Variants in RBFOX1 observed in about 807,000 individuals in gnomAD.
RBFOX1 encodes RNA binding protein fox-1 homolog 1.
Under a neutral mutation model 57.7 loss-of-function variants are expected in RBFOX1, and 8 were observed. The observed-to-expected ratio is 0.14, with a 90% CI of 0.08 to 0.25. The LOEUF (loss-of-function observed/expected upper bound fraction) is 0.25, where lower values mean the gene tolerates loss of function less well. RBFOX1 is among the 10% of genes least tolerant of loss of function. RBFOX1 has a pLI of 1.00. For missense variants in RBFOX1, 611 were observed against 548.5 expected (o/e 1.11, Z -1.14); for synonymous variants, 326 against 222.4 (o/e 1.47, Z -4.15).
At chr16:6,358,153 C>T (rs17527108) in intron 2 of RBFOX1, among the ~76,000 whole-genome samples, 39,682 of 151,798 alleles carry the variant, frequency 0.26, 5,311 homozygotes, top group Middle Eastern at 0.35. Flanking sequence ...GTTTAACCTC[C>T]ATGAACCTCA....
At chr16:6,120,603 A>T (rs1049864202) in intron 1 of RBFOX1, among the ~76,000 whole-genome samples, 4 of 152,194 alleles carry the variant, frequency 2.6e-5, no homozygotes, top group African/African-American at 9.7e-5. Flanking sequence ...TGAGGATTAT[A>T]TAAAGAAATC....
rs150826605 is a variant in RBFOX1 at position 5,364,234 on chromosome 16, T to G, written c.220-102982T>G. ...AGAAGTTCCAGCCAAGTGCTAAGTTTTAACTTGGATGTGTGCTGGTTTGAG... is the reference window on the plus strand; with the variant it reads ...AGAAGTTCCAGCCAAGTGCTAAGTTGTAACTTGGATGTGTGCTGGTTTGAG... On this transcript the variant is annotated intron_variant, in intron 1 of 2. Transcript: ENST00000585867. 2.5e-4 allele frequency among the ~76,000 whole-genome samples: 38 copies of G among 152,332 alleles called. No individual in the cohort carries two copies. The East Asian group carries it at 6.9e-3, about 28-fold the overall frequency.
At chr16:6,305,624 A>G (rs1046469391) in intron 1 of RBFOX1, among the ~76,000 whole-genome samples, 2 of 150,038 alleles carry the variant, frequency 1.3e-5, no homozygotes, top group African/African-American at 4.9e-5. Flanking sequence ...CAGCTTTTTA[A>G]ACACATACTG....
rs536895311 is a variant in RBFOX1 at position 6,355,969 on chromosome 16, A to C, written c.-64+38912A>C. ...CATGGGCCAAACTTAAAGAACTCCT[A>C]ATGGGCAAAGCTGAAGCAATTTAAA... On this transcript the variant is annotated intron_variant, in intron 2 of 15. Coordinates refer to ENST00000550418, the MANE Select transcript of RBFOX1 (RefSeq NM_018723.4). 9.8e-5 allele frequency among the ~76,000 whole-genome samples: 15 copies of C among 152,358 alleles called. No homozygotes were observed. The East Asian group carries it at 2.7e-3, about 27-fold the overall frequency.
At chr16:7,507,168 G>T (rs757039535) in intron 4 of RBFOX1, among the ~76,000 whole-genome samples, 28 of 152,106 alleles carry the variant, frequency 1.8e-4, no homozygotes, top group Admixed American at 1.1e-3. Flanking sequence ...GCATTAAAAG[G>T]TTAGATAGTA....
At chr16:6,637,730 A>G (rs1046676405) in intron 2 of RBFOX1, among the ~76,000 whole-genome samples, 76 of 151,596 alleles carry the variant, frequency 5.0e-4, no homozygotes, top group African/African-American at 1.6e-3. Flanking sequence ...GGTCTAGAAG[A>G]ATATTGTAAT....
chr16:6,720,642 C>T (rs1375553828), intron 3 of RBFOX1, among the ~76,000 whole-genome samples: 4 of 151,884 alleles, frequency 2.6e-5, no homozygotes, highest in East Asian at 1.9e-4. Context: ...AGAGACGTGT[C>T]GGGAGAATAG....
chr16:5,356,965 A>G (rs1270166429), intron 1 of RBFOX1, among the ~76,000 whole-genome samples: 1 of 152,202 alleles, frequency 6.6e-6, no homozygotes, highest in African/African-American at 2.4e-5. Flanking sequence ...CCTCACAGGT[A>G]CCCAGTGAAG....
intron 2 of RBFOX1, among the ~76,000 whole-genome samples, chr16:6,326,096 A>T (rs980513664): frequency 6.6e-6 from 1 of 152,206 alleles, no homozygotes; most frequent in Non-Finnish European, 1.5e-5. Flanking sequence ...CCCTCTGTTT[A>T]AGGAGAATAA....
At chr16:6,634,522 G>A (rs1345220810) in intron 2 of RBFOX1, among the ~76,000 whole-genome samples, 1 of 147,886 alleles carries the variant, frequency 6.8e-6, no homozygotes, top group Non-Finnish European at 1.5e-5. Context: ...TAGAATATAT[G>A]ATATATACTT....
intron 12 of RBFOX1, among the ~76,000 whole-genome samples, chr16:7,656,448 G>A (rs960726091): frequency 1.3e-5 from 2 of 151,736 alleles, no homozygotes; most frequent in African/African-American, 2.4e-5. Context: ...GGCTGGAAGA[G>A]CAAGAACCCC....
At chr16:6,748,868 T>C (rs568211493) in intron 3 of RBFOX1, 30 of 152,330 alleles carry the variant, frequency 2.0e-4, no homozygotes, top group Middle Eastern at 3.4e-3. Flanking sequence ...GCAAGACTGA[T>C]AAGGTCTTTG....
chr16:6,355,130 T>G (rs1484622165), intron 2 of RBFOX1, among the ~76,000 whole-genome samples: 1 of 152,166 alleles, frequency 6.6e-6, no homozygotes, highest in African/African-American at 2.4e-5. Context: ...ATATATTCTG[T>G]ATTCTTTTTT....
downstream of RBFOX1, among the ~76,000 whole-genome samples, chr16:5,604,046 A>T (rs1180174862): frequency 6.6e-6 from 1 of 152,296 alleles, no homozygotes; most frequent in East Asian, 1.9e-4. Context: ...CTCCAGGCAG[A>T]CATTACTAAT....
intron 4 of RBFOX1, among the ~76,000 whole-genome samples, chr16:7,345,881 G>C (rs898578965): frequency 3.3e-5 from 5 of 152,052 alleles, no homozygotes; most frequent in African/African-American, 9.7e-5. Flanking sequence ...ACAACGTGCA[G>C]GTTTGTTACA....
At chr16:6,007,146 T>C (rs1433483617) in intron 4 of RBFOX1, among the ~76,000 whole-genome samples, 3 of 152,206 alleles carry the variant, frequency 2.0e-5, no homozygotes, top group Non-Finnish European at 4.4e-5. Context: ...TCTCTCCTGG[T>C]ATCTGCAGTC....
At chr16:7,114,574 T>C (rs1313014188) in intron 4 of RBFOX1, among the ~76,000 whole-genome samples, 2 of 152,170 alleles carry the variant, frequency 1.3e-5, no homozygotes, top group African/African-American at 4.8e-5. Flanking sequence ...ATACCATCTA[T>C]TTATCTCCTC....
At chr16:6,181,731 G>A (rs893643638) in intron 1 of RBFOX1, among the ~76,000 whole-genome samples, 1 of 152,124 alleles carries the variant, frequency 6.6e-6, no homozygotes, top group Non-Finnish European at 1.5e-5. Context: ...TACAGGATAA[G>A]ATCCTGTCAT....
At chr16:6,936,769 G>T (rs2077435918) in intron 3 of RBFOX1, among the ~76,000 whole-genome samples, 1 of 152,012 alleles carries the variant, frequency 6.6e-6, no homozygotes. Flanking sequence ...GTAATTCAAA[G>T]CAGATAAAAT....
Sources: gnomAD v4.1 joint callset for allele counts (sites outside exome capture counted in the v4.1 genomes callset) on GRCh38, gnomAD v4.1.1 for gene constraint, MANE v1.5 for transcripts, NCBI Gene and HGNC (gene_info 2026-07-23, HGNC 2026-07-21) for gene names.